The following ERC1 variants were observed in gnomAD, a reference collection of about 807,000 sequenced individuals.
The protein encoded by ERC1 is ELKS/RAB6-interacting/CAST family member 1, also known as RAB6 interacting protein 2.
A neutral mutation model predicts 132.0 loss-of-function variants in ERC1; 56 were observed. The ratio of observed to expected loss-of-function variants is 0.42; its 90% CI spans 0.34 to 0.53. The LOEUF is 0.53. ERC1 is among the 20% of genes least tolerant of loss of function. The pLI, the probability that ERC1 is intolerant of heterozygous loss-of-function variation, is 0.03. For synonymous variants in ERC1, 478 were observed against 476.1 expected, an observed-to-expected ratio of 1.00 and a Z score of -0.05; for missense variants, 1,202 against 1,349.9, an observed-to-expected ratio of 0.89 and a Z score of 1.72.
chr12:1,484,087 C>T (rs1422183881), intron 18 of ERC1, among the ~76,000 whole-genome samples: 4 of 109,258 alleles, frequency 3.7e-5, no homozygotes, highest in South Asian at 2.8e-4. Context: ...GGGCGGATCA[C>T]GAGGTCAGGA....
chr12:1,240,085 G>A (rs2075694627), intron 13 of ERC1, among the ~76,000 whole-genome samples: 1 of 152,218 alleles, frequency 6.6e-6, no homozygotes, highest in African/African-American at 2.4e-5. Context: ...GAGCAAGAAT[G>A]AAGGGGCTAT....
chr12:1,425,605 G>A (rs2092609912), intron 17 of ERC1, among the ~76,000 whole-genome samples: 3 of 152,122 alleles, frequency 2.0e-5, no homozygotes, highest in Non-Finnish European at 4.4e-5. Flanking sequence ...GTGTGTTTTC[G>A]GCTTCACAGA....
At position 1,333,821 on chromosome 12, in the gene ERC1, A is replaced by G. The variant is rs535448619; in HGVS notation, c.2781-38012A>G. ...ATTTCTGTCTTTAGTTCTTTGAGGAATCATCATGCTGTCTTCCACAATGGT... is the reference window on the plus strand; with the variant it reads ...ATTTCTGTCTTTAGTTCTTTGAGGAGTCATCATGCTGTCTTCCACAATGGT... On this transcript the variant is annotated intron_variant, in intron 15 of 18. Coordinates refer to ENST00000360905, the MANE Select transcript of ERC1 (RefSeq NM_178040.4). Among the ~76,000 whole-genome samples the G allele has an allele frequency of 4.6e-5, 7 of 152,304 alleles. No individual in the cohort carries two copies. The East Asian group carries it at 1.4e-3, about 29-fold the overall frequency.
intron 17 of ERC1, among the ~76,000 whole-genome samples, chr12:1,433,195 T>G (rs1240826188): frequency 6.6e-6 from 1 of 152,172 alleles, no homozygotes; most frequent in Non-Finnish European, 1.5e-5. Context: ...CCAGGCTAAT[T>G]AAAAAATTTC....
intron 16 of ERC1, among the ~76,000 whole-genome samples, chr12:1,381,743 C>G (rs1223175563): frequency 1.3e-5 from 2 of 152,182 alleles, no homozygotes; most frequent in African/African-American, 4.8e-5. Flanking sequence ...CTTGCACTTC[C>G]TCAGCTCAAT....
chr12:1,201,481 G>C (rs902435372), intron 12 of ERC1, among the ~76,000 whole-genome samples: 1 of 152,110 alleles, frequency 6.6e-6, no homozygotes. Context: ...GTATTTACTA[G>C]TATAAATTGT....
chr12:1,026,246 C>T (rs1966876983), intron 1 of ERC1, among the ~76,000 whole-genome samples: 1 of 152,082 alleles, frequency 6.6e-6, no homozygotes, highest in Non-Finnish European at 1.5e-5. Context: ...ACTATCAGAT[C>T]CCATGAGACG....
chr12:1,093,702 T>C (rs1046172733), intron 3 of ERC1, among the ~76,000 whole-genome samples: 1 of 151,832 alleles, frequency 6.6e-6, no homozygotes, highest in African/African-American at 2.4e-5. Context: ...GCTATCGTGT[T>C]AGGTTTGCAA....
intron 8 of ERC1, among the ~76,000 whole-genome samples, chr12:1,146,707 T>C (rs1293704107): frequency 6.6e-6 from 1 of 151,934 alleles, no homozygotes; most frequent in East Asian, 1.9e-4. Flanking sequence ...ATGTGCCATG[T>C]TGGTGTGCTG....
chr12:1,009,260 C>T (rs568380053), intron 1 of ERC1, among the ~76,000 whole-genome samples: 14 of 151,852 alleles, frequency 9.2e-5, no homozygotes, highest in African/African-American at 2.4e-4. Context: ...CTGCAAGCTC[C>T]GCCTCCCGGG....
At chr12:1,478,791 TAA>T (rs149249485) in intron 18 of ERC1, among the ~76,000 whole-genome samples, 1 of 147,996 alleles carries the variant, frequency 6.8e-6, no homozygotes. Flanking sequence ...TCTGTCTCAA[TAA>T]AAAAAAGAGA....
Position 1,141,731 on chromosome 12 carries a change from G to T in ERC1, c.1681G>T (p.Asp561Tyr). ...EKGTQAGEIH[D>Y]LKDMLDVKER... is the part of the protein sequence containing the mutation. ...GGGGACACAAGCTGGAGAGATACAT[G>T]ACCTCAAGGACATGTTGGATGTGAA... Residue 561 changes from aspartate (D) to tyrosine (Y), a missense_variant, in exon 8 of 19, where the codon GAC becomes TAC. Physicochemically the swap from Asp to Tyr is radical, Grantham distance 160. Transcript: ENST00000360905. The T allele has an allele frequency of 1.2e-6, 2 of 1,612,906 alleles. No homozygotes were observed. Among genetic ancestry groups the T allele is most frequent in the South Asian group, 2.2e-5 (2 of 90,806 alleles).
chr12:1,291,594 A>T (rs1042658225), intron 15 of ERC1, among the ~76,000 whole-genome samples: 1 of 152,208 alleles, frequency 6.6e-6, no homozygotes, highest in Non-Finnish European at 1.5e-5. Context: ...CTAGAATAAG[A>T]CAGAGTCTTC....
chr12:1,218,819 C>CATAT lies in ERC1; in HGVS notation c.2352-17938_2352-17935dup, dbSNP rs369422257. ...AAGGCTCCACTCTCAGTCCTATTCTCATATATATATATATACACACACACA... is the reference window on the plus strand; with the variant it reads ...AAGGCTCCACTCTCAGTCCTATTCTCATATATATATATATATATACACACACACA... On this transcript the variant is annotated intron_variant, in intron 12 of 18. Transcript: ENST00000360905. Among the ~76,000 whole-genome samples, 809 of 148,522 alleles carry CATAT rather than the reference C, an allele frequency of 5.4e-3. 3 individuals carry two copies. The highest frequency in any genetic ancestry group is 0.018 in the African/African-American group (699 of 39,870).
chr12:1,261,666 C>G (rs78725006), intron 13 of ERC1, among the ~76,000 whole-genome samples: 7,344 of 151,776 alleles, frequency 0.048, 331 homozygotes, highest in African/African-American at 0.096. Context: ...CGTTTGTTTT[C>G]TTTTGTTTTG....
intron 16 of ERC1, among the ~76,000 whole-genome samples, chr12:1,402,285 T>C (rs2091135382): frequency 6.6e-6 from 1 of 152,160 alleles, no homozygotes; most frequent in Non-Finnish European, 1.5e-5. Flanking sequence ...ATCCCAGCAC[T>C]TTGGGAGGCC....
intron 8 of ERC1, among the ~76,000 whole-genome samples, chr12:1,156,459 G>A (rs1566104134): frequency 6.6e-6 from 1 of 151,996 alleles, no homozygotes; most frequent in African/African-American, 2.4e-5. Flanking sequence ...GCCTGGTCTC[G>A]AACTCCTGAC....
intron 1 of ERC1, among the ~76,000 whole-genome samples, chr12:1,000,210 C>T (rs555140534): frequency 2.0e-5 from 3 of 152,204 alleles, no homozygotes; most frequent in South Asian, 2.1e-4. Context: ...TCAGGCCAGG[C>T]ACAGTGGCTC....
intron 14 of ERC1, among the ~76,000 whole-genome samples, chr12:1,282,899 G>T (rs1243755764): frequency 6.6e-6 from 1 of 152,062 alleles, no homozygotes; most frequent in African/African-American, 2.4e-5. Flanking sequence ...TCTTCTAATT[G>T]TTTTCTTCTT....
Sources: gnomAD v4.1 joint callset for allele counts (sites outside exome capture counted in the v4.1 genomes callset) on GRCh38, gnomAD v4.1.1 for gene constraint, MANE v1.5 for transcripts, NCBI Gene and HGNC (gene_info 2026-07-23, HGNC 2026-07-21) for gene names.